Variants in PCDHGA8 observed in about 807,000 individuals in gnomAD.
PCDHGA8 encodes protocadherin gamma subfamily A, 8, also known as protocadherin gamma-A8.
Under a neutral mutation model 59.2 loss-of-function variants are expected in PCDHGA8, and 45 were observed. That is an observed-to-expected ratio of 0.76 (90% confidence interval 0.60 to 0.98). PCDHGA8 has a LOEUF of 0.98. Ranked by LOEUF, PCDHGA8 falls within the 50% of genes least tolerant of loss-of-function variation. The probability of loss-of-function intolerance (pLI) is 0.00; values close to 1 mark genes in which losing one functional copy is unlikely to be tolerated. For synonymous variants in PCDHGA8, 531 were observed against 519.0 expected, an observed-to-expected ratio of 1.02 and a Z score of -0.32; for missense variants, 1,257 against 1,196.2, an observed-to-expected ratio of 1.05 and a Z score of -0.75.
chr5:141,433,289 G>A, intron 1 of PCDHGA8: 1 of 1,130,682 alleles, frequency 8.8e-7, no homozygotes, highest in Non-Finnish European at 1.3e-6. Flanking sequence ...AAACTCCTAG[G>A]CTCAAGCAAT....
chr5:141,453,700 G>T (rs953445370), intron 1 of PCDHGA8, among the ~76,000 whole-genome samples: 1 of 152,166 alleles, frequency 6.6e-6, no homozygotes, highest in East Asian at 1.9e-4. Flanking sequence ...TCCTGGCTTT[G>T]AACAGTTTCA....
chr5:141,503,598 CAAAAA>C (rs765754054), intron 2 of PCDHGA8, among the ~76,000 whole-genome samples: 1 of 65,760 alleles, frequency 1.5e-5, no homozygotes, highest in African/African-American at 4.7e-5. Context: ...GACTCCAGCT[CAAAAA>C]AAAAAAAAAA....
chr5:141,448,720 C>T (rs545687728), intron 1 of PCDHGA8, among the ~76,000 whole-genome samples: 24 of 152,030 alleles, frequency 1.6e-4, no homozygotes, highest in African/African-American at 5.8e-4. Flanking sequence ...GCGGGAGGAT[C>T]ACGAGGTCAG....
intron 2 of PCDHGA8, among the ~76,000 whole-genome samples, chr5:141,497,671 C>T (rs1026356633): frequency 6.6e-5 from 10 of 151,878 alleles, no homozygotes; most frequent in African/African-American, 2.4e-4. Flanking sequence ...TCCCGAGTAG[C>T]TGGGACAGCA....
rs1216742718 is a variant in PCDHGA8 at position 141,393,126 on chromosome 5, A to C, written c.313A>C (p.Asn105His). The C allele has an allele frequency of 6.2e-7, 1 of 1,613,316 alleles. No homozygotes were observed. Among genetic ancestry groups the C allele is most frequent in the East Asian group, 2.2e-5 (1 of 44,894 alleles). ...CGCTCAGAGCCCGCGGTGTCTGATA[A>C]ATATTAACACCCTGGTTGAGGATAA... The part of the protein sequence containing the change: ...LCAQSPRCLI[N>H]INTLVEDKGK... The change falls in exon 1 of 4, where the codon AAT (asparagine) becomes CAT (histidine). Residue 105 changes from asparagine to histidine, a missense_variant. By Grantham distance (68) the Asn-to-His change is moderately conservative (BLOSUM62 1). Transcript: ENST00000398604.
At chr5:141,427,958 G>A (rs1266312663) in intron 1 of PCDHGA8, 3 of 1,588,290 alleles carry the variant, frequency 1.9e-6, no homozygotes, top group Admixed American at 1.7e-5. Context: ...ACAATGTGCC[G>A]CGGGTGCTGT....
Position 141,491,965 on chromosome 5 carries a change from G to A in PCDHGA8, c.2425-2842G>A. 1 of 946,810 alleles carries A rather than the reference G, an allele frequency of 1.1e-6. No individual in the cohort carries two copies. Among genetic ancestry groups the A allele is most frequent in the Non-Finnish European group, 1.5e-6 (1 of 672,398 alleles). 58.7% of individuals were successfully genotyped at this position (946,810 alleles called of 1,614,324 possible). On this transcript the variant is annotated intron_variant, in intron 1 of 3. Coordinates refer to ENST00000398604, the MANE Select transcript of PCDHGA8 (RefSeq NM_032088.2). The surrounding 1 kb of genome is among the most constrained non-coding windows in gnomAD (Gnocchi z 6.9). ...CCCACCCCTACACTCAAAAAAGGCC[G>A]GGGCCTCCTTCGAGCTTCCGGTGAA...
In PCDHGA8 at chr5:141,415,152, C is replaced by G. The variant is rs758450562; in HGVS notation, c.2424+19915C>G. ...AGGACCACGGCCAGCCCCCTCTCTCCGCCACTGTCACGCTCACCGTGGCCG... is the reference window on the plus strand; with the variant it reads ...AGGACCACGGCCAGCCCCCTCTCTCGGCCACTGTCACGCTCACCGTGGCCG... On this transcript the variant is annotated intron_variant, in intron 1 of 3. Transcript: ENST00000398604. The G allele has an allele frequency of 1.9e-6, 3 of 1,613,812 alleles. No individual in the cohort carries two copies. In the Admixed American group the frequency reaches 5.0e-5, roughly 27 times the overall value.
chr5:141,450,468 A>G (rs1187171122), intron 1 of PCDHGA8, among the ~76,000 whole-genome samples: 2 of 151,696 alleles, frequency 1.3e-5, no homozygotes, highest in African/African-American at 4.9e-5. Flanking sequence ...TTTTATATAT[A>G]GAGTTTGTTT....
At chr5:141,422,181 G>A in intron 1 of PCDHGA8, 3 of 1,561,316 alleles carry the variant, frequency 1.9e-6, no homozygotes, top group Non-Finnish European at 2.6e-6. Flanking sequence ...TCTATGAGAT[G>A]GAAATTCAAG....
chr5:141,404,210 A>G (rs927879028), intron 1 of PCDHGA8: 11 of 1,613,840 alleles, frequency 6.8e-6, no homozygotes, highest in Non-Finnish European at 9.3e-6. Context: ...AGAATATAAT[A>G]TCACGGTGAC....
intron 3 of PCDHGA8, among the ~76,000 whole-genome samples, chr5:141,505,765 T>C (rs970212345): frequency 5.3e-5 from 8 of 151,922 alleles, no homozygotes; most frequent in African/African-American, 1.9e-4. Flanking sequence ...ACAGTGTAGC[T>C]CAGGTCCTAG....
At chr5:141,503,916 C>T (rs1372491893) in intron 2 of PCDHGA8, among the ~76,000 whole-genome samples, 1 of 152,246 alleles carries the variant, frequency 6.6e-6, no homozygotes, top group African/African-American at 2.4e-5. Context: ...CAACGCAACA[C>T]ACACACAGAC....
chr5:141,448,786 A>C (rs1354591718), intron 1 of PCDHGA8, among the ~76,000 whole-genome samples: 1 of 148,848 alleles, frequency 6.7e-6, no homozygotes, highest in African/African-American at 2.5e-5. Flanking sequence ...TAAAAATACA[A>C]AAAAAAAAAT....
chr5:141,438,358 G>A (rs1160913890), intron 1 of PCDHGA8, among the ~76,000 whole-genome samples: 1 of 151,634 alleles, frequency 6.6e-6, no homozygotes. Context: ...TCTGTGTATT[G>A]TCATTGAGGG....
intron 1 of PCDHGA8, chr5:141,403,542 A>T (rs561106024): frequency 1.2e-6 from 2 of 1,613,990 alleles, no homozygotes; most frequent in East Asian, 4.5e-5. Context: ...CTGGTGCTGG[A>T]GCGCGCCCTG....
chr5:141,507,012 G>A (rs2099857902), intron 3 of PCDHGA8: 1 of 152,208 alleles, frequency 6.6e-6, no homozygotes, highest in Admixed American at 6.5e-5. Flanking sequence ...AGAGAACCGA[G>A]AAGGCACTTG....
At chr5:141,506,444 C>CAAA (rs1219684339) in intron 3 of PCDHGA8, among the ~76,000 whole-genome samples, 2 of 95,018 alleles carry the variant, frequency 2.1e-5, no homozygotes, top group African/African-American at 7.9e-5. Context: ...CGCTCTGTCT[C>CAAA]AAAAAAAAAA....
At position 141,487,493 on chromosome 5, in the gene PCDHGA8, C is replaced by A. The variant is rs1372433097; in HGVS notation, c.2425-7314C>A. 5.6e-6 allele frequency: 9 copies of A among 1,614,050 alleles called. No individual in the cohort carries two copies. The highest frequency in any genetic ancestry group is 6.8e-6 in the Non-Finnish European group (8 of 1,180,034). On this transcript the variant is annotated intron_variant, in intron 1 of 3. Coordinates refer to ENST00000398604, the MANE Select transcript of PCDHGA8 (RefSeq NM_032088.2). This position sits in a 1 kb window ranked among gnomAD's most constrained non-coding sequence, Gnocchi z 5.0. ...GGGAGGCCACTCTCATGGCTGTACACCCTTGGCTTCTGCACCCACTCGGAG... is the reference window on the plus strand; with the variant it reads ...GGGAGGCCACTCTCATGGCTGTACAACCTTGGCTTCTGCACCCACTCGGAG...
Sources: allele counts gnomAD v4.1 joint callset (sites outside exome capture counted in the v4.1 genomes callset), GRCh38; gene constraint gnomAD v4.1.1; non-coding constraint Gnocchi (gnomAD v3.1); transcripts MANE v1.5; gene names NCBI Gene and HGNC (gene_info 2026-07-23, HGNC 2026-07-21).